SLAMF9: variants seen among roughly 807,000 people sequenced by gnomAD.
SLAMF9 encodes the protein SLAM family member 9, also known as CD2 family member 10.
Under a neutral mutation model 30.4 loss-of-function variants are expected in SLAMF9, and 25 were observed. The ratio of observed to expected loss-of-function variants is 0.82; its 90% CI spans 0.60 to 1.15. SLAMF9 has a LOEUF of 1.15. Among genes scored for constraint, SLAMF9 ranks in the 50% most tolerant of loss-of-function variants. The pLI, the probability that SLAMF9 is intolerant of heterozygous loss-of-function variation, is 0.00. For missense variants in SLAMF9, 344 were observed against 346.1 expected (o/e 0.99, Z 0.05); for synonymous variants, 129 against 127.2 (o/e 1.01, Z -0.09).
At chr1:159,981,797 A>G in the SLAMF9 span, among the ~76,000 whole-genome samples, 2 of 152,230 alleles carry the variant, frequency 1.3e-5, no homozygotes, top group South Asian at 4.1e-4. Context: ...AGGGCTAGAA[A>G]CAGGCCACTG....
the SLAMF9 span, among the ~76,000 whole-genome samples, chr1:159,975,475 G>A: frequency 6.6e-6 from 1 of 152,190 alleles, no homozygotes; most frequent in East Asian, 1.9e-4. Flanking sequence ...GGCATGGCTG[G>A]AGAGGCAGGC....
At chr1:159,961,289 G>A in the SLAMF9 span, 1 of 152,168 alleles carries the variant, frequency 6.6e-6, no homozygotes, top group Non-Finnish European at 1.5e-5. Flanking sequence ...GGAGAGAATG[G>A]AGGAAAGATA....
chr1:159,951,733 T>C lies in SLAMF9; in HGVS notation c.798A>G (p.Pro266=), dbSNP rs1327359437. The stretch of plus-strand genomic sequence containing the variant: ...TGTTTCTCATGAGTTTCTTCATCCT[T>C]GGCATTTTGTGTCTTTTCTGGACTC... ...VIRVQKRHKM[P]RMKKLMRNRM... Residue 266 remains proline, a synonymous_variant, in exon 4 of 4, where the codon CCA becomes CCG. Transcript: ENST00000368093. 4.3e-6 allele frequency: 7 copies of C among 1,614,226 alleles called. No homozygotes were observed. Among genetic ancestry groups the C allele is most frequent in the Non-Finnish European group, 5.1e-6 (6 of 1,180,042 alleles).
chr1:159,959,085 ATCTGT>A (rs1651987526), upstream of SLAMF9, among the ~76,000 whole-genome samples: 1 of 152,066 alleles, frequency 6.6e-6, no homozygotes, highest in Admixed American at 6.5e-5. Flanking sequence ...GCCTCTCTGA[ATCTGT>A]TCTCCTCCTT....
chr1:159,973,087 C>G, the SLAMF9 span: 1 of 1,493,494 alleles, frequency 6.7e-7, no homozygotes, highest in African/African-American at 1.4e-5. Flanking sequence ...GAGTCTCCCT[C>G]CTTGACTCCT....
At chr1:159,968,892 A>G in the SLAMF9 span, among the ~76,000 whole-genome samples, 2 of 152,258 alleles carry the variant, frequency 1.3e-5, no homozygotes, top group African/African-American at 2.4e-5. Flanking sequence ...TTCTACTAAA[A>G]AAAACAAAAA....
chr1:159,956,284 A>G (rs952291790), upstream of SLAMF9, among the ~76,000 whole-genome samples: 2 of 152,212 alleles, frequency 1.3e-5, no homozygotes, highest in African/African-American at 4.8e-5. Flanking sequence ...TAAGCAACAT[A>G]GAAAGACCCC....
At chr1:159,963,303 A>G in the SLAMF9 span, among the ~76,000 whole-genome samples, 2,600 of 152,252 alleles carry the variant, frequency 0.017, 27 homozygotes, top group South Asian at 0.032. Context: ...CAGGGTCTGT[A>G]ATTATTGAAG....
At chr1:159,964,535 C>T in the SLAMF9 span, among the ~76,000 whole-genome samples, 2 of 152,052 alleles carry the variant, frequency 1.3e-5, no homozygotes, top group Non-Finnish European at 2.9e-5. Context: ...GGTGTGCTCT[C>T]GCTAAAAGAA....
the SLAMF9 span, among the ~76,000 whole-genome samples, chr1:159,977,604 G>T: frequency 1.3e-5 from 2 of 152,192 alleles, no homozygotes; most frequent in Admixed American, 6.5e-5. Flanking sequence ...TGGTGTAAAT[G>T]GAAGAAAATG....
the SLAMF9 span, chr1:159,974,006 C>T: frequency 7.5e-6 from 12 of 1,606,528 alleles, no homozygotes; most frequent in African/African-American, 2.7e-5. Context: ...CCTGACATCA[C>T]AGAGTCAGGG....
chr1:159,956,991 G>A (rs376851421), upstream of SLAMF9, among the ~76,000 whole-genome samples: 8 of 151,724 alleles, frequency 5.3e-5, no homozygotes, highest in South Asian at 2.1e-4. Context: ...GCGTGGTGGC[G>A]GGTGCCTGTA....
the SLAMF9 span, among the ~76,000 whole-genome samples, chr1:159,977,838 G>A: frequency 6.6e-6 from 1 of 152,168 alleles, no homozygotes; most frequent in African/African-American, 2.4e-5. Flanking sequence ...AATGGGACAT[G>A]AACATAGGCG....
chr1:159,952,241 G>GTGTCTCAGGGGT, intron 3 of SLAMF9, 21 bp downstream of exon 3: 1 of 1,612,862 alleles, frequency 6.2e-7, no homozygotes, highest in Non-Finnish European at 8.5e-7. Context: ...AGCTCAGGGG[G>GTGTCTCAGGGGT]TGTCTCAGGG....
the SLAMF9 span, chr1:159,972,768 A>C: frequency 1.9e-6 from 1 of 518,846 alleles, no homozygotes; most frequent in Non-Finnish European, 3.0e-6. Context: ...CTCACAGAGG[A>C]GCTGTACCAC....
At chr1:159,963,144 G>A in the SLAMF9 span, among the ~76,000 whole-genome samples, 1 of 152,212 alleles carries the variant, frequency 6.6e-6, no homozygotes, top group Non-Finnish European at 1.5e-5. Flanking sequence ...GGGAAAATCA[G>A]ATGAACTAAT....
Position 159,951,880 on chromosome 1 carries a change from A to G in SLAMF9, c.665-14T>C, listed in dbSNP as rs777671195. 2 of 1,612,196 alleles carry G rather than the reference A, an allele frequency of 1.2e-6. No individual in the cohort carries two copies. Among genetic ancestry groups the G allele is most frequent in the African/African-American group, 2.7e-5 (2 of 74,856 alleles). Reference sequence around the variant, plus strand: ...CATAGTTAGGATCTGGGGTGGAAGAAAGGAGGAAAGGGCCCATCAGTGGTA... The same window carrying G: ...CATAGTTAGGATCTGGGGTGGAAGAGAGGAGGAAAGGGCCCATCAGTGGTA... On this transcript the variant is annotated splice_polypyrimidine_tract_variant and intron_variant, in intron 3 of 3. Transcript: ENST00000368093.
chr1:159,967,345 G>T, the SLAMF9 span, among the ~76,000 whole-genome samples: 1 of 152,134 alleles, frequency 6.6e-6, no homozygotes, highest in Non-Finnish European at 1.5e-5. Flanking sequence ...TCTGAATGTG[G>T]ATAACCAGTT....
chr1:159,976,970 G>GAAAGAAAGAAAGA, the SLAMF9 span: 1 of 34,152 alleles, frequency 2.9e-5, no homozygotes, highest in Non-Finnish European at 8.1e-5. Flanking sequence ...GAGAAAGAAA[G>GAAAGAAAGAAAGA]AAGGAAAGAA....
Sources: gnomAD v4.1 joint callset for allele counts (sites outside exome capture counted in the v4.1 genomes callset) on GRCh38, gnomAD v4.1.1 for gene constraint, MANE v1.5 for transcripts, NCBI Gene and HGNC (gene_info 2026-07-23, HGNC 2026-07-21) for gene names.